BPNT2: variants seen among roughly 807,000 people sequenced by gnomAD.
BPNT2 encodes Golgi-resident adenosine 3',5'-bisphosphate 3'-phosphatase.
A neutral mutation model predicts 29.3 loss-of-function variants in BPNT2; 11 were observed. That is an observed-to-expected ratio of 0.38 (90% CI 0.24 to 0.62). The LOEUF (loss-of-function observed/expected upper bound fraction) is 0.62. BPNT2 is among the 20% of genes least tolerant of loss of function. The pLI, the probability that BPNT2 is intolerant of heterozygous loss-of-function variation, is 0.62. For missense variants in BPNT2, 459 were observed against 473.4 expected (o/e 0.97, Z 0.28); for synonymous variants, 195 against 187.7 (o/e 1.04, Z -0.32).
At chr8:56,971,788 C>CT (rs200324392) in intron 3 of BPNT2, among the ~76,000 whole-genome samples, 1 of 145,274 alleles carries the variant, frequency 6.9e-6, no homozygotes, top group Non-Finnish European at 1.5e-5. Context: ...TACCACCCCC[C>CT]CCCCCACAAT....
At chr8:56,964,643 T>C (rs963614455) in intron 4 of BPNT2, among the ~76,000 whole-genome samples, 1 of 152,204 alleles carries the variant, frequency 6.6e-6, no homozygotes, top group Non-Finnish European at 1.5e-5. Context: ...TAACCAAATA[T>C]ATACCTACAA....
chr8:56,985,700 G>A (rs1806317026), intron 1 of BPNT2, among the ~76,000 whole-genome samples: 1 of 152,110 alleles, frequency 6.6e-6, no homozygotes, highest in Admixed American at 6.6e-5. Flanking sequence ...TCTATGTATA[G>A]CAAGTAGGGA....
At chr8:56,992,917 T>C (rs1394686033) in intron 1 of BPNT2, among the ~76,000 whole-genome samples, 1 of 152,038 alleles carries the variant, frequency 6.6e-6, no homozygotes, top group Non-Finnish European at 1.5e-5. Context: ...GCGGGTGCAA[T>C]TAACTTTGTC....
intron 1 of BPNT2, among the ~76,000 whole-genome samples, chr8:56,992,407 A>G (rs771447763): frequency 2.0e-4 from 31 of 152,184 alleles, no homozygotes; most frequent in African/African-American, 5.6e-4. Context: ...ATTCAACTCA[A>G]TAGCAGCTCC....
At chr8:56,972,528 C>T (rs561912684) in intron 3 of BPNT2, among the ~76,000 whole-genome samples, 6 of 151,964 alleles carry the variant, frequency 3.9e-5, no homozygotes, top group African/African-American at 1.4e-4. Flanking sequence ...ACCTTTTTAT[C>T]TCATATTGAA....
chr8:56,989,935 T>C (rs555735355), intron 1 of BPNT2, among the ~76,000 whole-genome samples: 1 of 152,338 alleles, frequency 6.6e-6, no homozygotes, highest in African/African-American at 2.4e-5. Flanking sequence ...TCCTCTGTTT[T>C]CAGTGCTTAT....
At chr8:56,987,418 T>A (rs1806343589) in intron 1 of BPNT2, among the ~76,000 whole-genome samples, 1 of 152,086 alleles carries the variant, frequency 6.6e-6, no homozygotes, top group African/African-American at 2.4e-5. Flanking sequence ...GTTTTGAGAG[T>A]GTGAATAGAA....
intron 3 of BPNT2, among the ~76,000 whole-genome samples, chr8:56,970,729 G>A (rs900015420): frequency 5.9e-5 from 9 of 152,050 alleles, no homozygotes; most frequent in African/African-American, 1.9e-4. Flanking sequence ...AAGTATAAGG[G>A]TAAAATGTTT....
chr8:56,988,140 T>C (rs1468925070), intron 1 of BPNT2, among the ~76,000 whole-genome samples: 1 of 152,204 alleles, frequency 6.6e-6, no homozygotes, highest in Non-Finnish European at 1.5e-5. Flanking sequence ...TATAGCTCTA[T>C]AAACAATTAA....
chr8:56,984,230 T>C (rs1168905040), intron 1 of BPNT2, among the ~76,000 whole-genome samples: 1 of 152,186 alleles, frequency 6.6e-6, no homozygotes, highest in African/African-American at 2.4e-5. Context: ...TGAAAAGATC[T>C]TCACTGAGAA....
At chr8:56,978,663 G>GT (rs1403574456) in intron 2 of BPNT2, among the ~76,000 whole-genome samples, 2 of 145,412 alleles carry the variant, frequency 1.4e-5, no homozygotes, top group African/African-American at 2.6e-5. Context: ...GATAGACCAG[G>GT]TAAAAAAAAA....
chr8:56,980,897 T>C (rs1344520215), intron 1 of BPNT2, among the ~76,000 whole-genome samples: 2 of 150,552 alleles, frequency 1.3e-5, no homozygotes, highest in Non-Finnish European at 3.0e-5. Context: ...ATATATATTA[T>C]ATATTATTTC....
intron 1 of BPNT2, among the ~76,000 whole-genome samples, chr8:56,980,799 C>T (rs1264738095): frequency 7.4e-6 from 1 of 135,420 alleles, no homozygotes; most frequent in Non-Finnish European, 1.6e-5. Context: ...CCTTACCCCA[C>T]ACCCTTACAT....
chr8:56,968,981 G>C (rs1488890854), intron 3 of BPNT2, among the ~76,000 whole-genome samples: 1 of 152,136 alleles, frequency 6.6e-6, no homozygotes, highest in East Asian at 1.9e-4. Flanking sequence ...TTATAAGCAG[G>C]GGAGACAGAA....
rs897157146 is a variant in BPNT2 at position 56,961,879 on chromosome 8, G to A, written c.*1914C>T. Reference sequence around the variant, plus strand: ...AATTCCTGCTAATATGAACTAGTTTGCTTCCCATTAAATCAGAGTTCCCAT... The same window carrying A: ...AATTCCTGCTAATATGAACTAGTTTACTTCCCATTAAATCAGAGTTCCCAT... On this transcript the variant is annotated 3_prime_UTR_variant, in exon 5 of 5. Transcript: ENST00000262644. 2 of 152,052 alleles carry A rather than the reference G, an allele frequency of 1.3e-5. No individual in the cohort carries two copies. The highest frequency in any genetic ancestry group is 2.9e-5 in the Non-Finnish European group (2 of 67,988). 9.4% of individuals were successfully genotyped at this position (152,052 alleles called of 1,614,324 possible).
intron 1 of BPNT2, among the ~76,000 whole-genome samples, chr8:56,986,709 G>A (rs1367607192): frequency 6.6e-6 from 1 of 152,112 alleles, no homozygotes; most frequent in Non-Finnish European, 1.5e-5. Flanking sequence ...CTACAGTTGG[G>A]CACAATCATC....
chr8:56,972,889 T>TTTA (rs1806062365), intron 3 of BPNT2, among the ~76,000 whole-genome samples: 1 of 151,556 alleles, frequency 6.6e-6, no homozygotes, highest in Admixed American at 6.6e-5. Flanking sequence ...ACAAAATACA[T>TTTA]TTATTAGTAA....
chr8:56,993,145 C>T, intron 1 of BPNT2, 54 bp downstream of exon 1: 1 of 1,559,130 alleles, frequency 6.4e-7, no homozygotes, highest in Non-Finnish European at 8.6e-7. Context: ...TAAGAGTCGA[C>T]GGGCCGAGAC....
intron 4 of BPNT2, 69 bp downstream of exon 4, chr8:56,966,122 T>C (rs1278469688): frequency 9.8e-6 from 15 of 1,535,094 alleles, no homozygotes; most frequent in Non-Finnish European, 1.3e-5. Flanking sequence ...ACAAGCAAAT[T>C]AGTCTCCTAA....
Sources: allele counts gnomAD v4.1 joint callset (sites outside exome capture counted in the v4.1 genomes callset), GRCh38; gene constraint gnomAD v4.1.1; transcripts MANE v1.5; gene names NCBI Gene and HGNC (gene_info 2026-07-23, HGNC 2026-07-21).